PIK3R6: variants seen among roughly 807,000 people sequenced by gnomAD.
The protein encoded by PIK3R6 is phosphoinositide-3-kinase regulatory subunit 6.
A neutral mutation model predicts 84.9 loss-of-function variants in PIK3R6; 91 were observed. The observed-to-expected ratio is 1.07, with a 90% CI of 0.90 to 1.28. The LOEUF (loss-of-function observed/expected upper bound fraction) is 1.28, where lower values mean the gene tolerates loss of function less well. Among genes scored for constraint, PIK3R6 ranks in the 50% most tolerant of loss-of-function variants. PIK3R6 has a pLI of 0.00. For missense variants in PIK3R6, 996 were observed against 985.1 expected (o/e 1.01, Z -0.15); for synonymous variants, 416 against 411.4 (o/e 1.01, Z -0.13).
intron 18 of PIK3R6, among the ~76,000 whole-genome samples, chr17:8,816,512 T>C (rs914162124): frequency 6.6e-6 from 1 of 152,160 alleles, no homozygotes; most frequent in African/African-American, 2.4e-5. Flanking sequence ...AACATCACAA[T>C]ATAAGGCTAT....
At chr17:8,851,875 A>T (rs2088979150) in intron 1 of PIK3R6, among the ~76,000 whole-genome samples, 1 of 152,278 alleles carries the variant, frequency 6.6e-6, no homozygotes, top group Non-Finnish European at 1.5e-5. Context: ...ATGTCCATCA[A>T]CAGAGAAGCA....
chr17:8,855,129 G>T (rs966869579), intron 1 of PIK3R6, among the ~76,000 whole-genome samples: 2 of 152,066 alleles, frequency 1.3e-5, no homozygotes, highest in African/African-American at 2.4e-5. Flanking sequence ...GGCAGCAGAG[G>T]TTGTAGTGAG....
chr17:8,803,443 G>C lies in PIK3R6; in HGVS notation c.2109-14C>G, dbSNP rs761328617. ...GCAACCTCGAATCTGTGGGTGGAGA[G>C]AGACCAGCTCAGGTGACCCATCTGA... On this transcript the variant is annotated splice_polypyrimidine_tract_variant and intron_variant, in intron 19 of 19. Transcript: ENST00000619866. The surrounding 1 kb of genome is among the most constrained non-coding windows in gnomAD (Gnocchi z 5.0). 11 of 1,589,628 alleles carry C rather than the reference G, an allele frequency of 6.9e-6. No homozygotes were observed. The highest frequency in any genetic ancestry group is 9.4e-6 in the Non-Finnish European group (11 of 1,169,050).
intron 1 of PIK3R6, among the ~76,000 whole-genome samples, chr17:8,864,251 G>C (rs1038110626): frequency 6.6e-6 from 1 of 152,110 alleles, no homozygotes; most frequent in Admixed American, 6.6e-5. Context: ...ATGAAAATTT[G>C]GGGTTTCCTA....
intron 9 of PIK3R6, among the ~76,000 whole-genome samples, chr17:8,830,131 C>T (rs1258162902): frequency 6.6e-6 from 1 of 152,216 alleles, no homozygotes; most frequent in African/African-American, 2.4e-5. Flanking sequence ...CTGGCTTTCC[C>T]ACTGTTCTTA....
chr17:8,863,543 G>T (rs1052295996), intron 1 of PIK3R6, among the ~76,000 whole-genome samples: 13 of 150,442 alleles, frequency 8.6e-5, no homozygotes, highest in Admixed American at 2.7e-4. Flanking sequence ...GTGTGTGTGT[G>T]TTTTTTTTTG....
intron 1 of PIK3R6, among the ~76,000 whole-genome samples, chr17:8,859,459 TTA>T (rs1185979420): frequency 6.6e-6 from 1 of 152,154 alleles, no homozygotes; most frequent in African/African-American, 2.4e-5. Context: ...TTGTGATGGT[TTA>T]TGTGTCAACT....
chr17:8,857,423 G>T (rs556630995), intron 1 of PIK3R6, among the ~76,000 whole-genome samples: 19 of 152,242 alleles, frequency 1.2e-4, no homozygotes, highest in Middle Eastern at 3.4e-3. Flanking sequence ...CCTGACGTCC[G>T]CATGCCTTCC....
In PIK3R6 at chr17:8,840,943, G is replaced by A. The variant is rs1020042177; in HGVS notation, c.14-1246C>T. Among the ~76,000 whole-genome samples the A allele has an allele frequency of 3.3e-5, 5 of 151,626 alleles. No homozygotes were observed. The South Asian group carries it at 8.3e-4, about 25-fold the overall frequency. On this transcript the variant is annotated intron_variant, in intron 2 of 19. Coordinates refer to ENST00000619866, the MANE Select transcript of PIK3R6 (RefSeq NM_001010855.4). ...AATTTTTTGTATTTTTAGCAGAGAC[G>A]GGATTTCACCGTGTTAGCTAGGATG...
intron 18 of PIK3R6, among the ~76,000 whole-genome samples, chr17:8,812,964 T>C (rs2087402141): frequency 6.6e-6 from 1 of 152,112 alleles, no homozygotes; most frequent in South Asian, 2.1e-4. Context: ...AATTGGTTCT[T>C]TGAAATGATA....
Position 8,839,684 on chromosome 17 carries a change from G to T in PIK3R6, c.27C>A (p.Asp9Glu). The T allele has an allele frequency of 6.4e-7, 1 of 1,574,164 alleles. No homozygotes were observed. Among genetic ancestry groups the T allele is most frequent in the South Asian group, 1.2e-5 (1 of 85,592 alleles). Residue 9 changes from aspartate (D) to glutamate (E), a missense_variant, in exon 3 of 20, where the codon GAC becomes GAA. Physicochemically the swap from Asp to Glu is conservative, Grantham distance 45. Coordinates refer to ENST00000619866, the MANE Select transcript of PIK3R6 (RefSeq NM_001010855.4). The surrounding 1 kb of genome is among the most constrained non-coding windows in gnomAD (Gnocchi z 4.2). ...GCACAGCCTGCACGCTCCTCTGGAG[G>T]TCCAGCTCCACATCTGGGCAGTGGT... MESSDVEL[D>E]LQRSVQAVLR...
intron 1 of PIK3R6, among the ~76,000 whole-genome samples, chr17:8,864,529 CTTTTTTTTTTTTTTTT>C (rs35714531): frequency 1.5e-5 from 1 of 65,542 alleles, no homozygotes; most frequent in African/African-American, 6.9e-5. Context: ...CTTCACAGCT[CTTTTTTTTTTTTTTTT>C]TTTTTTTTTT....
rs568644173 is a variant in PIK3R6 at position 8,836,710 on chromosome 17, C to G, written c.391+81G>C. On this transcript the variant is annotated intron_variant, in intron 6 of 19. Coordinates refer to ENST00000619866, the MANE Select transcript of PIK3R6 (RefSeq NM_001010855.4). The stretch of plus-strand genomic sequence containing the variant: ...AAGGTGTGGAGGCTTTTGAGCTCCC[C>G]GGTATCCTGGAGAAAAAGGAAAGAC... 6 of 1,610,462 alleles carry G rather than the reference C, an allele frequency of 3.7e-6. No individual in the cohort carries two copies. In the East Asian group the frequency reaches 1.3e-4, roughly 36 times the overall value.
intron 2 of PIK3R6, among the ~76,000 whole-genome samples, chr17:8,849,193 A>G (rs78602548): frequency 3.3e-5 from 5 of 152,222 alleles, no homozygotes; most frequent in African/African-American, 1.2e-4. Context: ...TACCTCTCAG[A>G]AAAATGAGGA....
chr17:8,838,425 A>G (rs1425136702), intron 4 of PIK3R6, 139 bp downstream of exon 4: 3 of 650,644 alleles, frequency 4.6e-6, no homozygotes, highest in Non-Finnish European at 7.9e-6. Flanking sequence ...GTAAAAGTAC[A>G]GGAGGGAGAT....
Position 8,803,328 on chromosome 17 carries a change from G to A in PIK3R6, c.2210C>T (p.Ala737Val), listed in dbSNP as rs138385781. The A allele has an allele frequency of 2.3e-4, 378 of 1,613,400 alleles. 2 individuals carry two copies. In the African/African-American group the frequency reaches 4.1e-3, roughly 17 times the overall value. ...HGQQEVEAIKAKPKPLLMPIN... is the reference protein window; with the variant it reads ...HGQQEVEAIKVKPKPLLMPIN... ...GGGCATCAGAAGGGGCTTGGGCTTGGCTTTGATTGCTTCCACCTCCTGTTG... is the reference window on the plus strand; with the variant it reads ...GGGCATCAGAAGGGGCTTGGGCTTGACTTTGATTGCTTCCACCTCCTGTTG... Residue 737 changes from alanine (A) to valine (V), a missense_variant, in exon 20 of 20, where the codon GCC becomes GTC. By Grantham distance (64) the Ala-to-Val change is moderately conservative. Coordinates refer to ENST00000619866, the MANE Select transcript of PIK3R6 (RefSeq NM_001010855.4). This position sits in a 1 kb window ranked among gnomAD's most constrained non-coding sequence, Gnocchi z 5.0.
At chr17:8,860,615 A>G (rs938954412) in intron 1 of PIK3R6, among the ~76,000 whole-genome samples, 6 of 152,170 alleles carry the variant, frequency 3.9e-5, no homozygotes, top group Non-Finnish European at 7.3e-5. Context: ...GGAAATTTGA[A>G]TCTGTGGCCA....
chr17:8,849,833 C>T lies in PIK3R6; in HGVS notation c.-39G>A, dbSNP rs1402401350. 1.2e-6 allele frequency: 2 copies of T among 1,608,322 alleles called. No homozygotes were observed. Among genetic ancestry groups the T allele is most frequent in the East Asian group, 4.5e-5 (2 of 44,772 alleles). On this transcript the variant is annotated 5_prime_UTR_variant, in exon 2 of 20. Coordinates refer to ENST00000619866, the MANE Select transcript of PIK3R6 (RefSeq NM_001010855.4). The stretch of plus-strand genomic sequence containing the variant: ...TGTAGGAGGAGGAGGATGTGGTTGT[C>T]TCGGGCAGCAGAATAGAGAACAAGG...
In PIK3R6 at chr17:8,828,786, C is replaced by T; in HGVS notation, c.1094G>A (p.Gly365Glu). 3 of 1,587,128 alleles carry T rather than the reference C, an allele frequency of 1.9e-6. No homozygotes were observed. Among genetic ancestry groups the T allele is most frequent in the Non-Finnish European group, 2.6e-6 (3 of 1,164,556 alleles). Residue 365 changes from glycine (G) to glutamate (E), a missense_variant, in exon 11 of 20, where the codon GGG (glycine) becomes GAG (glutamate). Physicochemically the swap from Gly to Glu is moderately conservative, Grantham distance 98 (BLOSUM62 -2). Coordinates refer to ENST00000619866, the MANE Select transcript of PIK3R6 (RefSeq NM_001010855.4). ...CTTGATGCCCCCTTTGCGCTGCAGC[C>T]CGGCTCGCTCCATCTCAGGGCTGCC... is the stretch of plus-strand genomic sequence containing the variant. ...APGSPEMERAGLQRKGGIKKR... is the reference protein window; with the variant it reads ...APGSPEMERAELQRKGGIKKR...
Sources: gnomAD v4.1 joint callset for allele counts (sites outside exome capture counted in the v4.1 genomes callset) on GRCh38, gnomAD v4.1.1 for gene constraint, Gnocchi (gnomAD v3.1) non-coding constraint, MANE v1.5 for transcripts, NCBI Gene and HGNC (gene_info 2026-07-23, HGNC 2026-07-21) for gene names.